The following KIAA1217 variants were observed in gnomAD, a reference collection of about 807,000 sequenced individuals.
KIAA1217 encodes the protein KIAA1217, also known as sickle tail protein homolog.
A neutral mutation model predicts 163.9 loss-of-function variants in KIAA1217; 88 were observed. The ratio of observed to expected loss-of-function variants is 0.54; its 90% CI spans 0.45 to 0.64. The LOEUF is 0.64. Among genes scored for constraint, KIAA1217 ranks in the 30% least tolerant of loss-of-function variants. The pLI, the probability that KIAA1217 is intolerant of heterozygous loss-of-function variation, is 0.00. For missense variants in KIAA1217, 2,372 were observed against 2,475.0 expected (o/e 0.96, Z 0.88); for synonymous variants, 903 against 923.1 (o/e 0.98, Z 0.39).
At chr10:24,326,571 C>T (rs1344295078) in intron 2 of KIAA1217, among the ~76,000 whole-genome samples, 1 of 152,058 alleles carries the variant, frequency 6.6e-6, no homozygotes, top group Non-Finnish European at 1.5e-5. Context: ...GCATGGTTAT[C>T]AAAAGCAAAT....
chr10:24,389,244 C>T (rs1382732411), intron 3 of KIAA1217, among the ~76,000 whole-genome samples: 1 of 152,086 alleles, frequency 6.6e-6, no homozygotes, highest in Admixed American at 6.6e-5. Flanking sequence ...AGTTCATGTC[C>T]TTTGTAGGGA....
chr10:24,097,940 G>C (rs2062227000), intron 2 of KIAA1217, among the ~76,000 whole-genome samples: 1 of 152,076 alleles, frequency 6.6e-6, no homozygotes, highest in Non-Finnish European at 1.5e-5. Context: ...TAGGGAAACT[G>C]CCTGGAACTA....
intron 1 of KIAA1217, among the ~76,000 whole-genome samples, chr10:23,970,349 C>G (rs1350148664): frequency 6.6e-6 from 1 of 152,126 alleles, no homozygotes; most frequent in African/African-American, 2.4e-5. Context: ...CTGGAGGAAC[C>G]TGGGCAACAT....
At chr10:24,176,177 A>G (rs577912501) in intron 2 of KIAA1217, among the ~76,000 whole-genome samples, 1 of 152,310 alleles carries the variant, frequency 6.6e-6, no homozygotes, top group African/African-American at 2.4e-5. Context: ...TGAGCTAGAC[A>G]CAGAGTGCTG....
intron 2 of KIAA1217, among the ~76,000 whole-genome samples, chr10:24,200,213 A>ATT (rs758463596): frequency 3.0e-5 from 4 of 133,632 alleles, no homozygotes; most frequent in African/African-American, 5.5e-5. Flanking sequence ...TTATTTTTTA[A>ATT]TTTTTTTTTT....
chr10:23,938,929 A>T (rs527553542), intron 1 of KIAA1217, among the ~76,000 whole-genome samples: 1 of 152,358 alleles, frequency 6.6e-6, no homozygotes, highest in South Asian at 2.1e-4. Context: ...AATACATTTA[A>T]AACAATCCAA....
At chr10:24,111,753 T>C (rs998152109) in intron 2 of KIAA1217, among the ~76,000 whole-genome samples, 9 of 152,304 alleles carry the variant, frequency 5.9e-5, no homozygotes, top group Non-Finnish European at 1.2e-4. Flanking sequence ...TTTGTATTTT[T>C]AGATGGCTTA....
chr10:23,817,383 C>A (rs1446398438), intron 1 of KIAA1217, among the ~76,000 whole-genome samples: 2 of 152,166 alleles, frequency 1.3e-5, no homozygotes, highest in East Asian at 3.9e-4. Flanking sequence ...TTAAAGTCTT[C>A]ACTTGCATTG....
chr10:24,330,300 C>CAAAAAA (rs397846537), intron 2 of KIAA1217, among the ~76,000 whole-genome samples: 1 of 94,208 alleles, frequency 1.1e-5, no homozygotes. Context: ...AACTCCATCT[C>CAAAAAA]AAAAAAAAAA....
At chr10:24,314,663 C>G (rs576460892) in intron 2 of KIAA1217, among the ~76,000 whole-genome samples, 3 of 152,046 alleles carry the variant, frequency 2.0e-5, no homozygotes, top group East Asian at 1.9e-4. Flanking sequence ...ACATATTGGC[C>G]GGGTGCAGTG....
At position 24,501,521 on chromosome 10, in the gene KIAA1217, G is replaced by A. The variant is rs1463506795; in HGVS notation, c.1977G>A (p.Gln659=). The A allele has an allele frequency of 1.2e-6, 2 of 1,613,562 alleles. No homozygotes were observed. The highest frequency in any genetic ancestry group is 1.7e-6 in the Non-Finnish European group (2 of 1,179,826). ...GGAGCGTGGCGGAACTCAGGCTCCA[G>A]CTCCAGCAGATGCGGCAGCTCCAGG... ...MRRSVAELRL[Q]LQQMRQLQLQ... is the part of the protein sequence containing the mutation. The change falls in exon 9 of 21, where the codon CAG becomes CAA. Residue 659 remains glutamine (Q), a synonymous_variant. Transcript: ENST00000376454.
intron 1 of KIAA1217, among the ~76,000 whole-genome samples, chr10:23,897,141 A>G (rs1841742592): frequency 6.6e-6 from 1 of 152,106 alleles, no homozygotes; most frequent in East Asian, 1.9e-4. Context: ...CTTCATTGGT[A>G]GAAGTAAAAT....
At chr10:24,253,559 C>T (rs1341569496) in intron 2 of KIAA1217, among the ~76,000 whole-genome samples, 3 of 152,114 alleles carry the variant, frequency 2.0e-5, no homozygotes, top group African/African-American at 7.2e-5. Flanking sequence ...TCAGTGTCCA[C>T]TTGGTTACTA....
intron 14 of KIAA1217, among the ~76,000 whole-genome samples, chr10:24,528,329 T>G (rs1353572700): frequency 6.6e-6 from 1 of 150,968 alleles, no homozygotes; most frequent in African/African-American, 2.4e-5. Flanking sequence ...TTTGTTTTTT[T>G]TTTTGTTTTT....
At chr10:23,766,769 A>G (rs1434945498) in intron 1 of KIAA1217, among the ~76,000 whole-genome samples, 1 of 151,566 alleles carries the variant, frequency 6.6e-6, no homozygotes, top group Non-Finnish European at 1.5e-5. Flanking sequence ...TTGTATTTTT[A>G]GCGGAGACGG....
chr10:23,764,196 T>A (rs114045702), intron 1 of KIAA1217, among the ~76,000 whole-genome samples: 1,762 of 152,002 alleles, frequency 0.012, 36 homozygotes, highest in African/African-American at 0.041. Flanking sequence ...AACTAACATA[T>A]GAAAAAAAGC....
At position 23,818,351 on chromosome 10, in the gene KIAA1217, AAT is replaced by A. The variant is rs1554802293; in HGVS notation, c.-321+123137_-321+123138del. Among the ~76,000 whole-genome samples the A allele has an allele frequency of 3.3e-3, 444 of 134,848 alleles. 8 individuals carry two copies. Among genetic ancestry groups the A allele is most frequent in the East Asian group, 0.022 (105 of 4,754 alleles). The allele number at this position is 134,848 out of a possible 152,430, so 88.5% of individuals were successfully genotyped here. A position where few individuals can be genotyped will look rare whatever the true frequency, so the allele number is the denominator to read the frequency against. On this transcript the variant is annotated intron_variant, in intron 1 of 18. Transcript: ENST00000376462. ...TATATTTTATATATATATATAAAAAAATATATATATATATATATATAGCCATG... is the reference window on the plus strand; with the variant it reads ...TATATTTTATATATATATATAAAAAAATATATATATATATATATAGCCATG...
At chr10:24,418,624 A>T (rs1195412232) in intron 3 of KIAA1217, among the ~76,000 whole-genome samples, 1 of 152,238 alleles carries the variant, frequency 6.6e-6, no homozygotes, top group Non-Finnish European at 1.5e-5. Context: ...AAAATTTTAG[A>T]TTAACTCAGG....
chr10:23,852,546 G>C (rs1839406597), intron 1 of KIAA1217, among the ~76,000 whole-genome samples: 1 of 152,096 alleles, frequency 6.6e-6, no homozygotes. Context: ...TTCCAATTCT[G>C]TGAAGAAAGC....
Sources: gnomAD v4.1 joint callset for allele counts (sites outside exome capture counted in the v4.1 genomes callset) on GRCh38, gnomAD v4.1.1 for gene constraint, MANE v1.5 for transcripts, NCBI Gene and HGNC (gene_info 2026-07-23, HGNC 2026-07-21) for gene names.